SOBP: variants seen among roughly 807,000 people sequenced by gnomAD.
SOBP encodes sine oculis-binding protein homolog.
Under a neutral mutation model 53.6 loss-of-function variants are expected in SOBP, and 4 were observed. The ratio of observed to expected loss-of-function variants is 0.07; its 90% CI spans 0.04 to 0.17. The LOEUF is 0.17. SOBP is among the 10% of genes least tolerant of loss of function. SOBP has a pLI of 1.00. For missense variants in SOBP, 1,088 were observed against 1,204.7 expected (o/e 0.90, Z 1.43); for synonymous variants, 584 against 522.6 (o/e 1.12, Z -1.60).
At chr6:107,596,675 T>C (rs1398702413) in intron 5 of SOBP, among the ~76,000 whole-genome samples, 1 of 152,252 alleles carries the variant, frequency 6.6e-6, no homozygotes, top group Non-Finnish European at 1.5e-5. Flanking sequence ...TGTTCTATTT[T>C]GGATTGCATG....
At position 107,635,533 on chromosome 6, in the gene SOBP, G is replaced by A. The variant is rs544551862; in HGVS notation, c.*3+64G>A. The stretch of plus-strand genomic sequence containing the variant: ...TGCACCTCTCCTTACTTCTGACAAG[G>A]CAGAGGGGAGAGTTGTAATTATAGT... On this transcript the variant is annotated intron_variant, in intron 6 of 6. Transcript: ENST00000317357. This position sits in a 1 kb window ranked among gnomAD's most constrained non-coding sequence, Gnocchi z 4.5. 9.7e-5 allele frequency: 155 copies of A among 1,593,406 alleles called. No individual in the cohort carries two copies. In the Middle Eastern group the frequency reaches 8.1e-3, roughly 83 times the overall value.
intron 3 of SOBP, among the ~76,000 whole-genome samples, chr6:107,526,421 A>G (rs1003928801): frequency 2.0e-5 from 3 of 152,128 alleles, no homozygotes; most frequent in African/African-American, 7.2e-5. Flanking sequence ...CAACTGGATG[A>G]CTGCAGGATT....
At chr6:107,623,922 G>C (rs1046228395) in intron 5 of SOBP, among the ~76,000 whole-genome samples, 1 of 152,172 alleles carries the variant, frequency 6.6e-6, no homozygotes, top group Non-Finnish European at 1.5e-5. Flanking sequence ...GGGAAACCAC[G>C]TCAATTCTTT....
chr6:107,623,852 A>G (rs775712991), intron 5 of SOBP, among the ~76,000 whole-genome samples: 2 of 152,180 alleles, frequency 1.3e-5, no homozygotes, highest in Non-Finnish European at 2.9e-5. Flanking sequence ...TGAAAAGAGG[A>G]TGGGTTTGAA....
intron 6 of SOBP, among the ~76,000 whole-genome samples, chr6:107,652,522 T>C (rs1019674241): frequency 2.0e-4 from 30 of 152,238 alleles, no homozygotes; most frequent in African/African-American, 7.2e-4. Flanking sequence ...CTGGTAAAGA[T>C]GCTGTGAACA....
chr6:107,645,724 A>G (rs1311750463), intron 6 of SOBP, among the ~76,000 whole-genome samples: 1 of 152,236 alleles, frequency 6.6e-6, no homozygotes, highest in Non-Finnish European at 1.5e-5. Context: ...AAGCGTCTCC[A>G]TAGAGGAACA....
chr6:107,620,950 C>T (rs1786982894), intron 5 of SOBP, among the ~76,000 whole-genome samples: 1 of 152,114 alleles, frequency 6.6e-6, no homozygotes, highest in East Asian at 1.9e-4. Context: ...CAGAGTAGGC[C>T]AAAGAATGAT....
chr6:107,604,098 C>T (rs557004015), intron 5 of SOBP, among the ~76,000 whole-genome samples: 49 of 152,258 alleles, frequency 3.2e-4, no homozygotes, highest in Admixed American at 1.8e-3. Context: ...TCAGGTGGCC[C>T]AGCATTTGGA....
chr6:107,562,136 T>A (rs532003612), intron 4 of SOBP, among the ~76,000 whole-genome samples: 2 of 151,696 alleles, frequency 1.3e-5, no homozygotes, highest in Non-Finnish European at 2.9e-5. Context: ...GTTCAAGTGA[T>A]TCTCGTGCCT....
intron 6 of SOBP, among the ~76,000 whole-genome samples, chr6:107,646,179 A>T (rs566364465): frequency 6.6e-6 from 1 of 152,272 alleles, no homozygotes; most frequent in Non-Finnish European, 1.5e-5. Context: ...AACATTGCAG[A>T]ACGTCATCGC....
At chr6:107,576,389 A>G (rs1785224989) in intron 4 of SOBP, among the ~76,000 whole-genome samples, 2 of 152,230 alleles carry the variant, frequency 1.3e-5, no homozygotes, top group Admixed American at 1.3e-4. Flanking sequence ...TTCTTCCTAA[A>G]GAAATCTTAT....
intron 3 of SOBP, among the ~76,000 whole-genome samples, chr6:107,530,564 A>G (rs957055055): frequency 1.3e-5 from 2 of 152,022 alleles, no homozygotes; most frequent in Admixed American, 6.6e-5. Context: ...TTATAAATCT[A>G]GAATGCCTGA....
chr6:107,505,523 A>G (rs1483078289), intron 2 of SOBP, among the ~76,000 whole-genome samples: 2 of 151,926 alleles, frequency 1.3e-5, no homozygotes, highest in Non-Finnish European at 2.9e-5. Flanking sequence ...GGGTCTCACC[A>G]TGTTGGCCAG....
chr6:107,495,501 T>C (rs1782677804), intron 1 of SOBP, among the ~76,000 whole-genome samples: 2 of 152,090 alleles, frequency 1.3e-5, no homozygotes, highest in African/African-American at 4.8e-5. Flanking sequence ...CCACTCCACT[T>C]CCTCTCGAAT....
chr6:107,529,336 C>A, intron 3 of SOBP: 1 of 440,104 alleles, frequency 2.3e-6, no homozygotes, highest in Non-Finnish European at 3.0e-6. Flanking sequence ...GCAGCCCGGC[C>A]ATGGGCCATT....
In SOBP at chr6:107,506,365, A is replaced by T. The variant is rs1193364038; in HGVS notation, c.359A>T (p.Asp120Val). ...AGTGACTCACCTGCAGGGTCAAAGG[A>T]TCATGGCAGTGTGCCCATTATTGTA... ...GLSDSPAGSK[D>V]HGSVPIIVPL... is the part of the protein sequence containing the mutation. The change falls in exon 3 of 7, where the codon GAT (aspartate) becomes GTT (valine). Residue 120 changes from aspartate to valine, a missense_variant. Coordinates refer to ENST00000317357, the MANE Select transcript of SOBP (RefSeq NM_018013.4). 1 of 1,614,232 alleles carries T rather than the reference A, an allele frequency of 6.2e-7. No individual in the cohort carries two copies. Among genetic ancestry groups the T allele is most frequent in the Non-Finnish European group, 8.5e-7 (1 of 1,180,036 alleles).
rs1771316796 is a variant in SOBP at position 107,641,482 on chromosome 6, A to G, written c.*3+6013A>G. 2.0e-5 allele frequency among the ~76,000 whole-genome samples: 3 copies of G among 152,208 alleles called. No homozygotes were observed. The South Asian group carries it at 6.2e-4, about 32-fold the overall frequency. On this transcript the variant is annotated intron_variant, in intron 6 of 6. Transcript: ENST00000317357. Reference sequence around the variant, plus strand: ...TTCTACTCTGCCACTGAGGCCAAGAAAGCAGAATGGCCAGAGTCAGAGAGG... The same window carrying G: ...TTCTACTCTGCCACTGAGGCCAAGAGAGCAGAATGGCCAGAGTCAGAGAGG...
At chr6:107,518,337 A>G (rs1205908925) in intron 3 of SOBP, among the ~76,000 whole-genome samples, 1 of 152,188 alleles carries the variant, frequency 6.6e-6, no homozygotes, top group Non-Finnish European at 1.5e-5. Flanking sequence ...GAAGATTGAC[A>G]ATACCAAGTT....
intron 5 of SOBP, among the ~76,000 whole-genome samples, chr6:107,606,579 C>T (rs746942394): frequency 2.6e-5 from 4 of 152,072 alleles, no homozygotes; most frequent in Non-Finnish European, 5.9e-5. Context: ...GGGGAAAAGG[C>T]GAGGCAGCTA....
Sources: gnomAD v4.1 joint callset for allele counts (sites outside exome capture counted in the v4.1 genomes callset) on GRCh38, gnomAD v4.1.1 for gene constraint, Gnocchi (gnomAD v3.1) non-coding constraint, MANE v1.5 for transcripts, NCBI Gene and HGNC (gene_info 2026-07-23, HGNC 2026-07-21) for gene names.